WDR73: variants seen among roughly 807,000 people sequenced by gnomAD.
WDR73 encodes the protein integrator complex assembly factor WDR73.
In WDR73, 30 loss-of-function variants were observed where a neutral mutation model predicts 38.2. The ratio of observed to expected loss-of-function variants is 0.79; its 90% confidence interval spans 0.59 to 1.06. The LOEUF (loss-of-function observed/expected upper bound fraction) is 1.06, where lower values mean the gene tolerates loss of function less well. WDR73 is among the 50% of genes least tolerant of loss of function. WDR73 has a pLI of 0.00. For synonymous variants in WDR73, 197 were observed against 176.0 expected (o/e 1.12, Z -0.94); for missense variants, 487 against 467.0 (o/e 1.04, Z -0.40).
chr15:84,653,750 A>G, intron 1 of WDR73, 51 bp from the exon 2 acceptor site: 1 of 1,417,466 alleles, frequency 7.1e-7, no homozygotes, highest in Middle Eastern at 1.8e-4. Flanking sequence ...TCACAGCTCA[A>G]AGAACTCCAA....
chr15:84,649,872 G>C (rs1195192228), intron 3 of WDR73, among the ~76,000 whole-genome samples: 3 of 152,188 alleles, frequency 2.0e-5, no homozygotes, highest in African/African-American at 4.8e-5. Flanking sequence ...GCTTCAAAAA[G>C]TGCTGGGATT....
rs751594577 is a variant in WDR73, at chr15:84,646,324, A to G, written c.377T>C (p.Ile126Thr). 21 of 1,613,586 alleles carry G rather than the reference A, an allele frequency of 1.3e-5. No homozygotes were observed. The highest frequency in any genetic ancestry group is 1.7e-5 in the Non-Finnish European group (20 of 1,179,696). Residue 126 changes from isoleucine to threonine, a missense_variant, in exon 6 of 8, where the codon ATT becomes ACT. Physicochemically the swap from Ile to Thr is moderately conservative, Grantham distance 89. Coordinates refer to ENST00000434634, the MANE Select transcript of WDR73 (RefSeq NM_032856.5). Reference protein sequence around the residue: ...DSDVIKAVSTIAVHEKEESLW... With the variant: ...DSDVIKAVSTTAVHEKEESLW... ...ACTCTCCTCTTTCTCATGCACAGCAATGGTGCTGACAGCTTTAATGACATC... is the reference window on the plus strand; with the variant it reads ...ACTCTCCTCTTTCTCATGCACAGCAGTGGTGCTGACAGCTTTAATGACATC...
chr15:84,644,178 C>A (rs1160524647), intron 7 of WDR73: 2 of 161,044 alleles, frequency 1.2e-5, no homozygotes, highest in African/African-American at 2.4e-5. Flanking sequence ...GCTTAAGAGA[C>A]TTCTTCAAAC....
intron 6 of WDR73, 89 bp from the exon 7 acceptor site, chr15:84,645,925 A>T (rs746393637): frequency 6.3e-7 from 1 of 1,590,148 alleles, no homozygotes; most frequent in Non-Finnish European, 8.5e-7. Flanking sequence ...GTCCCTTCCC[A>T]CCAGTCCCAG....
At position 84,648,719 on chromosome 15, in the gene WDR73, A is replaced by C; in HGVS notation, c.199-94T>G. 4 of 970,156 alleles carry C rather than the reference A, an allele frequency of 4.1e-6. No homozygotes were observed. The South Asian group carries it at 5.5e-5, about 13-fold the overall frequency. 60.1% of individuals were successfully genotyped at this position (970,156 alleles called of 1,614,324 possible). ...AGGAGTCAGGTCCTAGCCTGGCAGGAGGCCATGGAAGCCACTCAGCTGGTG... is the reference window on the plus strand; with the variant it reads ...AGGAGTCAGGTCCTAGCCTGGCAGGCGGCCATGGAAGCCACTCAGCTGGTG... On this transcript the variant is annotated intron_variant, in intron 3 of 7. Transcript: ENST00000434634.
chr15:84,651,316 C>T (rs1896617029), intron 3 of WDR73, among the ~76,000 whole-genome samples: 1 of 151,174 alleles, frequency 6.6e-6, no homozygotes, highest in South Asian at 2.1e-4. Flanking sequence ...GTCCCAGCTA[C>T]TTGGGAGGCT....
At chr15:84,649,005 T>C (rs1178667041) in intron 3 of WDR73, among the ~76,000 whole-genome samples, 1 of 152,204 alleles carries the variant, frequency 6.6e-6, no homozygotes, top group Non-Finnish European at 1.5e-5. Context: ...ACGATAAAAA[T>C]TAACAATTAC....
intron 7 of WDR73, 39 bp downstream of exon 7, chr15:84,645,432 A>G (rs1896415375): frequency 1.2e-6 from 2 of 1,607,474 alleles, no homozygotes; most frequent in African/African-American, 1.3e-5. Flanking sequence ...CCTGGAAGAA[A>G]GAGATCAGAT....
At chr15:84,650,205 C>T (rs868158765) in intron 3 of WDR73, among the ~76,000 whole-genome samples, 1 of 152,102 alleles carries the variant, frequency 6.6e-6, no homozygotes, top group South Asian at 2.1e-4. Flanking sequence ...TTTTGTGAGA[C>T]GGAGTGTCAT....
At chr15:84,654,141 CACCAG>C in intron 1 of WDR73, 88 bp downstream of exon 1, 1 of 1,556,840 alleles carries the variant, frequency 6.4e-7, no homozygotes, top group East Asian at 2.2e-5. Context: ...GCCCACTCTG[CACCAG>C]GATCCCCAAC....
Position 84,645,910 on chromosome 15 carries a change from C to T in WDR73, c.518-74G>A, listed in dbSNP as rs781357886. The stretch of plus-strand genomic sequence containing the variant: ...TGGCAATTTGGCAGGGCTGGCTGGT[C>T]ACAGGTCCCTTCCCACCAGTCCCAG... On this transcript the variant is annotated intron_variant, in intron 6 of 7. Coordinates refer to ENST00000434634, the MANE Select transcript of WDR73 (RefSeq NM_032856.5). The T allele has an allele frequency of 1.9e-6, 3 of 1,601,374 alleles. No homozygotes were observed. The South Asian group carries it at 3.4e-5, about 18-fold the overall frequency.
At chr15:84,653,726 C>G (rs1047915269) in intron 1 of WDR73, 27 bp from the exon 2 acceptor site, 3 of 1,545,262 alleles carry the variant, frequency 1.9e-6, no homozygotes, top group African/African-American at 2.7e-5. Context: ...CAGAATCACA[C>G]GATGCACAGC....
At chr15:84,644,031 G>T in intron 7 of WDR73, 1 of 298,004 alleles carries the variant, frequency 3.4e-6, no homozygotes, top group South Asian at 3.7e-5. Context: ...TGATGACTCC[G>T]TGGGGCATGT....
intron 3 of WDR73, among the ~76,000 whole-genome samples, chr15:84,650,211 G>A (rs1896580419): frequency 6.6e-6 from 1 of 152,136 alleles, no homozygotes; most frequent in Non-Finnish European, 1.5e-5. Context: ...GAGACGGAGT[G>A]TCATGCTGTT....
chr15:84,645,554 C>T lies in WDR73; in HGVS notation c.800G>A (p.Cys267Tyr), dbSNP rs750898659. 33 of 1,611,726 alleles carry T rather than the reference C, an allele frequency of 2.0e-5. No homozygotes were observed. The highest frequency in any genetic ancestry group is 2.3e-5 in the Non-Finnish European group (27 of 1,178,964). Residue 267 changes from cysteine (C) to tyrosine (Y), a missense_variant, in exon 7 of 8, where the codon TGC (cysteine) becomes TAC (tyrosine). By Grantham distance (194) the Cys-to-Tyr change is radical. Coordinates refer to ENST00000434634, the MANE Select transcript of WDR73 (RefSeq NM_032856.5). ...DLCHPVSSVQCPVSVPSPDPE... is the reference protein window; with the variant it reads ...DLCHPVSSVQYPVSVPSPDPE... ...GTCAGGGCTAGGTACGGATACTGGG[C>T]ACTGGACTGAGCTCACAGGATGGCA...
chr15:84,643,726 G>A lies in WDR73; in HGVS notation c.884-3C>T, dbSNP rs372870483. 46 of 1,610,372 alleles carry A rather than the reference G, an allele frequency of 2.9e-5. 1 individual carries two copies. The East Asian group carries it at 5.4e-4, about 19-fold the overall frequency. On this transcript the variant is annotated splice_polypyrimidine_tract_variant and splice_region_variant and intron_variant, in intron 7 of 7. Transcript: ENST00000434634. Reference sequence around the variant, plus strand: ...GACCTGGACTGTACCATCAAAACCTGAGAATACAGAAAAGAGAGGCTTGAC... The same window carrying A: ...GACCTGGACTGTACCATCAAAACCTAAGAATACAGAAAAGAGAGGCTTGAC...
At chr15:84,650,659 A>G (rs769324189) in intron 3 of WDR73, among the ~76,000 whole-genome samples, 1 of 151,500 alleles carries the variant, frequency 6.6e-6, no homozygotes, top group Non-Finnish European at 1.5e-5. Context: ...CGCCTGGCCA[A>G]ATTTGTTTTA....
chr15:84,650,745 T>C (rs985528421), intron 3 of WDR73, among the ~76,000 whole-genome samples: 6 of 152,138 alleles, frequency 3.9e-5, no homozygotes, highest in Non-Finnish European at 7.4e-5. Flanking sequence ...TCTGCCCACG[T>C]TGGTCTCCCG....
chr15:84,649,461 C>CT lies in WDR73; in HGVS notation c.199-837dup, dbSNP rs762810980. On this transcript the variant is annotated intron_variant, in intron 3 of 7. Transcript: ENST00000434634. ...CTGGGTTTTATGAGTACAAATTTGG[C>CT]TTTTTTTTTTTTTTTAACTTTTTTT... is the stretch of plus-strand genomic sequence containing the variant. Among the ~76,000 whole-genome samples the CT allele has an allele frequency of 3.1e-3, 431 of 138,950 alleles. 4 individuals carry two copies. The highest frequency in any genetic ancestry group is 0.016 in the East Asian group (77 of 4,788). 91.2% of individuals were successfully genotyped at this position (138,950 alleles called of 152,430 possible). A position where few individuals can be genotyped will look rare whatever the true frequency, so the allele number is the denominator to read the frequency against.
Sources: gnomAD v4.1 joint callset for allele counts (sites outside exome capture counted in the v4.1 genomes callset) on GRCh38, gnomAD v4.1.1 for gene constraint, MANE v1.5 for transcripts, NCBI Gene and HGNC (gene_info 2026-07-23, HGNC 2026-07-21) for gene names.